THSD7B: variants seen among roughly 807,000 people sequenced by gnomAD.
The protein encoded by THSD7B is thrombospondin type-1 domain-containing protein 7B.
A neutral mutation model predicts 213.6 loss-of-function variants in THSD7B; 138 were observed. The observed-to-expected ratio is 0.65, with a 90% confidence interval of 0.56 to 0.74. The LOEUF is 0.74. Ranked by LOEUF, THSD7B falls within the 30% of genes least tolerant of loss-of-function variation. THSD7B has a pLI of 0.00. For synonymous variants in THSD7B, 742 were observed against 687.0 expected, an observed-to-expected ratio of 1.08 and a Z score of -1.25; for missense variants, 1,931 against 1,991.5, an observed-to-expected ratio of 0.97 and a Z score of 0.58.
At chr2:136,909,156 C>T (rs978205041) in intron 2 of THSD7B, among the ~76,000 whole-genome samples, 3 of 152,014 alleles carry the variant, frequency 2.0e-5, no homozygotes, top group Non-Finnish European at 4.4e-5. Context: ...GCACTCCAGC[C>T]TGGGTAACAG....
chr2:137,584,563 C>T (rs899211225), intron 17 of THSD7B, among the ~76,000 whole-genome samples: 1 of 152,110 alleles, frequency 6.6e-6, no homozygotes, highest in African/African-American at 2.4e-5. Flanking sequence ...TGAATTTTGT[C>T]AAAGGCCTTT....
At chr2:137,044,126 A>T (rs1397717130) in intron 2 of THSD7B, among the ~76,000 whole-genome samples, 1 of 152,126 alleles carries the variant, frequency 6.6e-6, no homozygotes, top group African/African-American at 2.4e-5. Context: ...CAGGCAGAGG[A>T]GTGGTCCACA....
intron 17 of THSD7B, among the ~76,000 whole-genome samples, chr2:137,590,922 C>T (rs372425264): frequency 5.3e-5 from 8 of 150,412 alleles, no homozygotes; most frequent in South Asian, 2.1e-4. Flanking sequence ...TCCTTAGTTT[C>T]CTCCAGGCTG....
intron 7 of THSD7B, among the ~76,000 whole-genome samples, chr2:137,173,651 TTG>T (rs1317453056): frequency 2.0e-5 from 3 of 152,186 alleles, no homozygotes; most frequent in African/African-American, 7.2e-5. Context: ...CCCTCATCGT[TTG>T]TGGGGCAATG....
Position 137,048,689 on chromosome 2 carries a change from C to G in THSD7B, c.140-7731C>G, listed in dbSNP as rs1020653240. On this transcript the variant is annotated intron_variant, in intron 2 of 27. Transcript: ENST00000409968. ...CAACGTTACTGCCTTGCCTTGACCT[C>G]TAGTAGACAACATAAAAGAAAGCCT... Among the ~76,000 whole-genome samples the G allele has an allele frequency of 3.3e-5, 5 of 152,282 alleles. No homozygotes were observed. The South Asian group carries it at 1.0e-3, about 32-fold the overall frequency.
At chr2:136,963,748 G>C (rs561823234) in intron 2 of THSD7B, among the ~76,000 whole-genome samples, 1 of 152,252 alleles carries the variant, frequency 6.6e-6, no homozygotes, top group South Asian at 2.1e-4. Context: ...GAGTTTTGAG[G>C]GTGTCTCTGG....
chr2:136,850,300 C>A (rs1005943530), intron 1 of THSD7B, among the ~76,000 whole-genome samples: 2 of 66,172 alleles, frequency 3.0e-5, no homozygotes, highest in Non-Finnish European at 3.0e-5. Flanking sequence ...TTTTTTAGGT[C>A]ATTTCAATAT....
intron 4 of THSD7B, among the ~76,000 whole-genome samples, chr2:137,108,957 A>G (rs1573828140): frequency 1.3e-5 from 2 of 152,202 alleles, no homozygotes; most frequent in Admixed American, 1.3e-4. Flanking sequence ...ATTCAGTGCC[A>G]GGAAATTTTG....
At chr2:137,035,394 T>G (rs1308404828) in intron 2 of THSD7B, among the ~76,000 whole-genome samples, 1 of 152,148 alleles carries the variant, frequency 6.6e-6, no homozygotes, top group Non-Finnish European at 1.5e-5. Flanking sequence ...TAATTTTTTT[T>G]GCTAGTAGAA....
chr2:136,911,909 G>A (rs1684265457), intron 2 of THSD7B, among the ~76,000 whole-genome samples: 1 of 152,150 alleles, frequency 6.6e-6, no homozygotes, highest in African/African-American at 2.4e-5. Context: ...CTAGATGAGG[G>A]GAGGGACAGA....
chr2:137,618,895 TG>T (rs1215098874), intron 19 of THSD7B, among the ~76,000 whole-genome samples: 20 of 152,194 alleles, frequency 1.3e-4, no homozygotes, highest in Admixed American at 5.2e-4. Context: ...AAGACGAACA[TG>T]GACACTTGCC....
chr2:136,951,451 T>C (rs1685036649), intron 2 of THSD7B, among the ~76,000 whole-genome samples: 1 of 152,230 alleles, frequency 6.6e-6, no homozygotes. Context: ...TTAGAATTCA[T>C]TTATATACCT....
At chr2:137,392,125 C>T (rs543743041) in intron 12 of THSD7B, among the ~76,000 whole-genome samples, 9 of 152,196 alleles carry the variant, frequency 5.9e-5, no homozygotes, top group East Asian at 5.8e-4. Flanking sequence ...GATATGATTT[C>T]GATTTCTAAA....
At chr2:136,955,413 A>G (rs1017141471) in intron 2 of THSD7B, among the ~76,000 whole-genome samples, 1 of 152,238 alleles carries the variant, frequency 6.6e-6, no homozygotes, top group African/African-American at 2.4e-5. Flanking sequence ...TATGACTAAC[A>G]TAATCTACTC....
chr2:137,657,990 C>T (rs185299848), intron 24 of THSD7B, among the ~76,000 whole-genome samples: 132 of 152,310 alleles, frequency 8.7e-4, no homozygotes, highest in African/African-American at 2.9e-3. Flanking sequence ...GGATTACAGG[C>T]GTGAGCCACC....
chr2:136,916,109 ATGTTTT>A (rs1246822762), intron 2 of THSD7B, among the ~76,000 whole-genome samples: 1 of 152,110 alleles, frequency 6.6e-6, no homozygotes, highest in African/African-American at 2.4e-5. Context: ...GCAATGATGG[ATGTTTT>A]TGTTTTTGTT....
chr2:137,498,609 A>G (rs1679629334), intron 15 of THSD7B, among the ~76,000 whole-genome samples: 1 of 151,916 alleles, frequency 6.6e-6, no homozygotes, highest in African/African-American at 2.4e-5. Context: ...TTATTGTTGA[A>G]GAGAGAATGG....
intron 20 of THSD7B, among the ~76,000 whole-genome samples, chr2:137,624,693 A>G (rs1457923292): frequency 2.0e-5 from 3 of 152,244 alleles, no homozygotes; most frequent in Admixed American, 6.5e-5. Context: ...TCAAAAGAAG[A>G]TATTTATGCA....
intron 15 of THSD7B, among the ~76,000 whole-genome samples, chr2:137,536,712 T>C (rs1680514235): frequency 6.6e-6 from 1 of 151,590 alleles, no homozygotes; most frequent in Non-Finnish European, 1.5e-5. Context: ...ATACATGTAA[T>C]TACAGGAAAA....
Sources: allele counts gnomAD v4.1 joint callset (sites outside exome capture counted in the v4.1 genomes callset), GRCh38; gene constraint gnomAD v4.1.1; transcripts MANE v1.5; gene names NCBI Gene and HGNC (gene_info 2026-07-23, HGNC 2026-07-21).